The following MACROD2 variants were observed in gnomAD, a reference collection of about 807,000 sequenced individuals.
MACROD2 encodes ADP-ribose glycohydrolase MACROD2.
Under a neutral mutation model 70.4 loss-of-function variants are expected in MACROD2, and 36 were observed. That is an observed-to-expected ratio of 0.51 (90% CI 0.39 to 0.68). The LOEUF is 0.68. Among genes scored for constraint, MACROD2 ranks in the 30% least tolerant of loss-of-function variants. The pLI, the probability that MACROD2 is intolerant of heterozygous loss-of-function variation, is 0.00. For missense variants in MACROD2, 496 were observed against 538.4 expected (o/e 0.92, Z 0.78); for synonymous variants, 172 against 178.8 (o/e 0.96, Z 0.30).
chr20:15,024,419 G>A (rs951817204), intron 5 of MACROD2, among the ~76,000 whole-genome samples: 3 of 152,020 alleles, frequency 2.0e-5, no homozygotes, highest in Admixed American at 6.6e-5. Flanking sequence ...AAATTAATAT[G>A]TATTCTTAGA....
At chr20:14,989,576 G>A (rs953447165) in intron 5 of MACROD2, among the ~76,000 whole-genome samples, 1 of 152,184 alleles carries the variant, frequency 6.6e-6, no homozygotes, top group Non-Finnish European at 1.5e-5. Context: ...TAACCAAGGG[G>A]TAGAAGATTC....
chr20:14,011,622 G>A (rs11697708), intron 2 of MACROD2, among the ~76,000 whole-genome samples: 3,523 of 150,258 alleles, frequency 0.023, 55 homozygotes, highest in Non-Finnish European at 0.039. Flanking sequence ...TCTGCCTCCC[G>A]GGTTCATGCC....
chr20:14,637,607 C>T (rs925046953), intron 4 of MACROD2, among the ~76,000 whole-genome samples: 14 of 152,016 alleles, frequency 9.2e-5, no homozygotes, highest in Non-Finnish European at 1.8e-4. Flanking sequence ...TTCTTCGTTA[C>T]GATTTGCCAA....
rs540731120 is a variant in MACROD2 at position 15,244,551 on chromosome 20, G to GT, written c.540+14496dup. Among the ~76,000 whole-genome samples, 959 of 152,204 alleles carry GT rather than the reference G, an allele frequency of 6.3e-3. 16 individuals carry two copies. The highest frequency in any genetic ancestry group is 0.054 in the South Asian group (259 of 4,826). On this transcript the variant is annotated intron_variant, in intron 6 of 17. Coordinates refer to ENST00000684519, the MANE Select transcript of MACROD2 (RefSeq NM_001351661.2). The stretch of plus-strand genomic sequence containing the variant: ...AGGCCCCCCTGCACCCCAGATTGCT[G>GT]TTTTTTATGGTTGAATAGGCAGACA...
At chr20:16,035,136 TTATATATTA>T (rs2067212226) in intron 15 of MACROD2, among the ~76,000 whole-genome samples, 1 of 77,074 alleles carries the variant, frequency 1.3e-5, no homozygotes, top group Non-Finnish European at 2.8e-5. Context: ...ATATTATATA[TTATATATTA>T]TATATAAAAT....
intron 7 of MACROD2, among the ~76,000 whole-genome samples, chr20:15,433,342 A>T (rs2046386979): frequency 6.6e-6 from 1 of 151,722 alleles, no homozygotes; most frequent in Admixed American, 6.6e-5. Flanking sequence ...CTGATAAACG[A>T]ATTCAGGAAT....
intron 5 of MACROD2, among the ~76,000 whole-genome samples, chr20:14,965,748 G>A (rs1021128863): frequency 1.3e-5 from 2 of 151,836 alleles, no homozygotes; most frequent in African/African-American, 4.8e-5. Context: ...GATTACGGGC[G>A]TGAGCCACCG....
rs141886931 is a variant in MACROD2, at chr20:15,362,626, A to G, written c.541-68779A>G. On this transcript the variant is annotated intron_variant, in intron 6 of 17. Coordinates refer to ENST00000684519, the MANE Select transcript of MACROD2 (RefSeq NM_001351661.2). ...TTCTATTAAAAAGAACATTTTAAATAGTTATTCAATTCATTATTAGAAATT... is the reference window on the plus strand; with the variant it reads ...TTCTATTAAAAAGAACATTTTAAATGGTTATTCAATTCATTATTAGAAATT... 7.8e-3 allele frequency among the ~76,000 whole-genome samples: 1,194 copies of G among 152,292 alleles called. 9 individuals carry two copies. The highest frequency in any genetic ancestry group is 0.014 in the Non-Finnish European group (959 of 68,024).
In MACROD2 at chr20:14,897,135, G is replaced by A. The variant is rs73268683; in HGVS notation, c.418+212176G>A. ...TTGAGAATTGGAAGGCCTGGGGTAC[G>A]AAAAATGATTATAAGATTTTTCTTT... On this transcript the variant is annotated intron_variant, in intron 5 of 17. Coordinates refer to ENST00000684519, the MANE Select transcript of MACROD2 (RefSeq NM_001351661.2). Among the ~76,000 whole-genome samples, 925 of 152,164 alleles carry A rather than the reference G, an allele frequency of 6.1e-3. 16 individuals are homozygous for A. The highest frequency in any genetic ancestry group is 0.021 in the African/African-American group (889 of 41,510).
intron 2 of MACROD2, among the ~76,000 whole-genome samples, chr20:14,070,454 T>C (rs554044591): frequency 1.3e-5 from 2 of 152,176 alleles, no homozygotes; most frequent in African/African-American, 2.4e-5. Context: ...AGTTCCCTGA[T>C]TGTATATCCG....
At position 14,376,243 on chromosome 20, in the gene MACROD2, T is replaced by C. The variant is rs190425581; in HGVS notation, c.272-117236T>C. ...TTAAAGTCTGCTTTTCTTGTCTACT[T>C]CCTATGCCTTTTTATTTAAATTTTT... is the stretch of plus-strand genomic sequence containing the variant. On this transcript the variant is annotated intron_variant, in intron 3 of 17. Coordinates refer to ENST00000684519, the MANE Select transcript of MACROD2 (RefSeq NM_001351661.2). Among the ~76,000 whole-genome samples the C allele has an allele frequency of 3.2e-4, 48 of 152,326 alleles. 1 individual carries two copies. The highest frequency in any genetic ancestry group is 1.1e-3 in the African/African-American group (46 of 41,586).
chr20:14,050,814 G>GA (rs1410627697), intron 2 of MACROD2, among the ~76,000 whole-genome samples: 1 of 152,110 alleles, frequency 6.6e-6, no homozygotes, highest in Non-Finnish European at 1.5e-5. Context: ...ACTGAAAATT[G>GA]AAACAGTGAT....
intron 3 of MACROD2, among the ~76,000 whole-genome samples, chr20:14,394,385 AG>A (rs2122813307): frequency 6.6e-6 from 1 of 152,304 alleles, no homozygotes; most frequent in South Asian, 2.1e-4. Context: ...TAAATGGAAA[AG>A]GTTTTTATTC....
At chr20:15,595,133 G>C (rs1343480844) in intron 8 of MACROD2, among the ~76,000 whole-genome samples, 1 of 152,194 alleles carries the variant, frequency 6.6e-6, no homozygotes, top group African/African-American at 2.4e-5. Flanking sequence ...AGAGTGAAAT[G>C]AGAGATTATT....
chr20:14,125,373 A>G lies in MACROD2; in HGVS notation c.271+39645A>G, dbSNP rs573320419. Among the ~76,000 whole-genome samples the G allele has an allele frequency of 3.3e-5, 5 of 152,304 alleles. No homozygotes were observed. In the East Asian group the frequency reaches 7.7e-4, roughly 23 times the overall value. ...TAGAGTGAAATTCTAAAATCTTGAC[A>G]GCCACTTGCTCCCTTCATTTTTTCG... On this transcript the variant is annotated intron_variant, in intron 3 of 17. Transcript: ENST00000684519.
rs760627660 is a variant in MACROD2, at chr20:14,684,873, C to G, written c.332C>G (p.Pro111Arg). Residue 111 changes from proline to arginine, a missense_variant, in exon 5 of 18, where the codon CCC (proline) becomes CGC (arginine). Physicochemically the swap from Pro to Arg is moderately radical, Grantham distance 103. Transcript: ENST00000684519. ...VDGCIHRAAG[P>R]CLLAECRNLN... ...GGCTGTATTCATAGAGCAGCCGGCC[C>G]CTGTTTGCTAGCTGAATGTCGTAAC... is the stretch of plus-strand genomic sequence containing the variant. 2 of 1,613,978 alleles carry G rather than the reference C, an allele frequency of 1.2e-6. No homozygotes were observed. The highest frequency in any genetic ancestry group is 4.5e-5 in the East Asian group (2 of 44,874).
At chr20:14,474,062 G>A (rs2084561259) in intron 3 of MACROD2, among the ~76,000 whole-genome samples, 1 of 151,566 alleles carries the variant, frequency 6.6e-6, no homozygotes. Context: ...ATATTTTCTG[G>A]ATATTAACCC....
chr20:15,231,831 A>G (rs1203139788), intron 6 of MACROD2, among the ~76,000 whole-genome samples: 2 of 151,992 alleles, frequency 1.3e-5, no homozygotes, highest in South Asian at 2.1e-4. Flanking sequence ...AACATCTTTG[A>G]TGATTATTTT....
chr20:15,402,170 G>A (rs915055207), intron 6 of MACROD2, among the ~76,000 whole-genome samples: 3 of 152,062 alleles, frequency 2.0e-5, no homozygotes, highest in Non-Finnish European at 4.4e-5. Flanking sequence ...GGTCAGGGGA[G>A]ATCAATTACA....
Sources: gnomAD v4.1 joint callset for allele counts (sites outside exome capture counted in the v4.1 genomes callset) on GRCh38, gnomAD v4.1.1 for gene constraint, MANE v1.5 for transcripts, NCBI Gene and HGNC (gene_info 2026-07-23, HGNC 2026-07-21) for gene names.